Variants in CACHD1 observed in about 807,000 individuals in gnomAD.
CACHD1 encodes cache domain containing 1.
A neutral mutation model predicts 138.7 loss-of-function variants in CACHD1; 71 were observed. The observed-to-expected ratio is 0.51, with a 90% CI of 0.42 to 0.62. The LOEUF (loss-of-function observed/expected upper bound fraction) is 0.62, where lower values mean the gene tolerates loss of function less well. Ranked by LOEUF, CACHD1 falls within the 20% of genes least tolerant of loss-of-function variation. CACHD1 has a pLI of 0.00. For synonymous variants in CACHD1, 578 were observed against 591.5 expected (o/e 0.98, Z 0.33); for missense variants, 1,389 against 1,625.3 (o/e 0.85, Z 2.50).
intron 3 of CACHD1, among the ~76,000 whole-genome samples, chr1:64,598,674 A>AG (rs1647181892): frequency 6.6e-6 from 1 of 152,168 alleles, no homozygotes; most frequent in Non-Finnish European, 1.5e-5. Flanking sequence ...TTAGTCAAAT[A>AG]GGGGTTCCAT....
At chr1:64,496,983 A>G (rs1242225699) in intron 1 of CACHD1, among the ~76,000 whole-genome samples, 1 of 152,056 alleles carries the variant, frequency 6.6e-6, no homozygotes, top group African/African-American at 2.4e-5. Flanking sequence ...TGTCATTTTT[A>G]ACCCGAGGGG....
intron 15 of CACHD1, among the ~76,000 whole-genome samples, chr1:64,665,666 T>G (rs1403720868): frequency 6.6e-6 from 1 of 152,148 alleles, no homozygotes; most frequent in Non-Finnish European, 1.5e-5. Context: ...TAAATATTTT[T>G]AGACTTATAA....
At chr1:64,614,048 TTTTCC>T (rs1647622317) in intron 4 of CACHD1, among the ~76,000 whole-genome samples, 1 of 152,196 alleles carries the variant, frequency 6.6e-6, no homozygotes, top group Non-Finnish European at 1.5e-5. Flanking sequence ...CACTGGGAAT[TTTTCC>T]TCACCATTTT....
intron 16 of CACHD1, among the ~76,000 whole-genome samples, chr1:64,670,118 G>A (rs542725117): frequency 6.6e-6 from 1 of 152,262 alleles, no homozygotes; most frequent in South Asian, 2.1e-4. Flanking sequence ...CATGGTATAT[G>A]CTTTGGAGTT....
intron 1 of CACHD1, among the ~76,000 whole-genome samples, chr1:64,549,828 C>T (rs1646746036): frequency 6.7e-6 from 1 of 148,602 alleles, no homozygotes; most frequent in African/African-American, 2.5e-5. Flanking sequence ...CTAGCAGATA[C>T]ATAACTTAGA....
intron 1 of CACHD1, among the ~76,000 whole-genome samples, chr1:64,472,603 A>C (rs1056052694): frequency 6.6e-6 from 1 of 152,146 alleles, no homozygotes; most frequent in African/African-American, 2.4e-5. Flanking sequence ...TTCCATATGC[A>C]TTTTCTGATT....
chr1:64,510,070 A>G (rs1646407693), intron 1 of CACHD1, among the ~76,000 whole-genome samples: 1 of 152,192 alleles, frequency 6.6e-6, no homozygotes, highest in Non-Finnish European at 1.5e-5. Flanking sequence ...TGCTAGTTAA[A>G]ACTGCTTTTT....
intron 3 of CACHD1, among the ~76,000 whole-genome samples, chr1:64,585,622 G>C (rs1295572734): frequency 6.6e-6 from 1 of 152,198 alleles, no homozygotes; most frequent in African/African-American, 2.4e-5. Context: ...AACCAAAGCA[G>C]TTCTGAAGGT....
At chr1:64,690,953 T>A (rs981862325) in intron 26 of CACHD1, among the ~76,000 whole-genome samples, 4 of 152,168 alleles carry the variant, frequency 2.6e-5, no homozygotes, top group African/African-American at 9.7e-5. Context: ...TAGGTAAAAG[T>A]GTAGAAAGAT....
At chr1:64,593,611 G>A (rs374266004) in intron 3 of CACHD1, among the ~76,000 whole-genome samples, 1 of 152,054 alleles carries the variant, frequency 6.6e-6, no homozygotes, top group African/African-American at 2.4e-5. Context: ...ATGAAGTGTT[G>A]TATGGCAAGT....
intron 2 of CACHD1, 94 bp from the exon 3 acceptor site, chr1:64,582,062 C>T: frequency 3.7e-6 from 5 of 1,342,882 alleles, no homozygotes; most frequent in Non-Finnish European, 5.1e-6. Flanking sequence ...TTAATATATG[C>T]AGCTTGTGAC....
chr1:64,537,448 A>AG (rs1646641970), intron 1 of CACHD1, among the ~76,000 whole-genome samples: 1 of 152,168 alleles, frequency 6.6e-6, no homozygotes, highest in Admixed American at 6.6e-5. Context: ...CTTATAAACA[A>AG]GGGGGAAAAA....
In CACHD1 at chr1:64,507,306, T is replaced by C. The variant is rs182792541; in HGVS notation, c.198+36364T>C. ...GCCTTATAGTTGGTTGTATCCAATC[T>C]GCCTGCCCCACTATGTTATACATTC... On this transcript the variant is annotated intron_variant, in intron 1 of 26. Transcript: ENST00000651257. Among the ~76,000 whole-genome samples the C allele has an allele frequency of 2.2e-4, 34 of 152,366 alleles. No individual in the cohort carries two copies. The East Asian group carries it at 6.2e-3, about 28-fold the overall frequency.
intron 8 of CACHD1, among the ~76,000 whole-genome samples, chr1:64,645,527 GTGGGAGAAAC>G (rs1202273242): frequency 2.0e-5 from 3 of 152,082 alleles, no homozygotes; most frequent in East Asian, 1.9e-4. Flanking sequence ...GCACACAATT[GTGGGAGAAAC>G]TGGGAGAAAC....
chr1:64,550,840 T>C (rs1027972203), intron 2 of CACHD1, among the ~76,000 whole-genome samples, 184 bp downstream of exon 2: 5 of 152,244 alleles, frequency 3.3e-5, no homozygotes, highest in Non-Finnish European at 5.9e-5. Flanking sequence ...GTTAAAAACT[T>C]ATATGCATGG....
chr1:64,654,579 T>G (rs371478043), intron 11 of CACHD1, 107 bp from the exon 12 acceptor site: 125 of 743,450 alleles, frequency 1.7e-4, no homozygotes, highest in African/African-American at 1.6e-3. Flanking sequence ...TTCTTTGGTA[T>G]TCGAAATCAG....
intron 4 of CACHD1, among the ~76,000 whole-genome samples, chr1:64,620,492 A>T (rs1434018644): frequency 6.6e-6 from 1 of 152,218 alleles, no homozygotes; most frequent in East Asian, 1.9e-4. Context: ...TAAATAAACT[A>T]GATCTTTATT....
In CACHD1 at chr1:64,664,526, C is replaced by T; in HGVS notation, c.2123C>T (p.Thr708Ile). ...TCTGTCAGAAATGAAGTAATGGCTA[C>T]CAGCCACGTCACAGATGAATGGATG... ...KFSVRNEVMA[T>I]SHVTDEWMTQ... is the part of the protein sequence containing the mutation. The change falls in exon 15 of 27, where the codon ACC (threonine) becomes ATC (isoleucine). Residue 708 changes from threonine (T) to isoleucine (I), a missense_variant. This residue lies in a region of CACHD1 where 1,000 missense variants were observed against 1,114.7 expected (regional missense o/e 0.90). Transcript: ENST00000651257. The T allele has an allele frequency of 6.2e-7, 1 of 1,613,810 alleles. No homozygotes were observed. Among genetic ancestry groups the T allele is most frequent in the East Asian group, 2.2e-5 (1 of 44,872 alleles).
intron 5 of CACHD1, among the ~76,000 whole-genome samples, chr1:64,629,877 A>C (rs927177360): frequency 6.6e-6 from 1 of 152,180 alleles, no homozygotes; most frequent in African/African-American, 2.4e-5. Context: ...TTCCCTTTCT[A>C]TGATGACATG....
Sources: allele counts gnomAD v4.1 joint callset (sites outside exome capture counted in the v4.1 genomes callset), GRCh38; gene constraint gnomAD v4.1.1; regional missense constraint gnomAD v4.1.1; transcripts MANE v1.5; gene names NCBI Gene and HGNC (gene_info 2026-07-23, HGNC 2026-07-21).